CCDC141: variants seen among roughly 807,000 people sequenced by gnomAD.
The protein encoded by CCDC141 is coiled-coil domain containing 141.
Under a neutral mutation model 181.0 loss-of-function variants are expected in CCDC141, and 168 were observed. The ratio of observed to expected loss-of-function variants is 0.93; its 90% CI spans 0.82 to 1.05. The LOEUF (loss-of-function observed/expected upper bound fraction) is 1.05. Among genes scored for constraint, CCDC141 ranks in the 50% least tolerant of loss-of-function variants. CCDC141 has a pLI of 0.00. For synonymous variants in CCDC141, 666 were observed against 642.3 expected (o/e 1.04, Z -0.56); for missense variants, 1,902 against 1,788.5 (o/e 1.06, Z -1.14).
chr2:178,918,260 T>C (rs547332069), intron 7 of CCDC141, among the ~76,000 whole-genome samples: 2 of 149,256 alleles, frequency 1.3e-5, no homozygotes, highest in East Asian at 3.9e-4. Context: ...AAAAAAAAAG[T>C]AGTCAAGCAT....
intron 11 of CCDC141, among the ~76,000 whole-genome samples, chr2:178,881,605 G>C (rs756333337): frequency 3.3e-5 from 5 of 152,044 alleles, no homozygotes; most frequent in African/African-American, 4.8e-5. Context: ...GGTTGAAACA[G>C]GAATAAAGCG....
At chr2:178,886,918 A>C in intron 9 of CCDC141, 47 bp from the exon 10 acceptor site, 1 of 1,213,500 alleles carries the variant, frequency 8.2e-7, no homozygotes, top group Non-Finnish European at 1.1e-6. Flanking sequence ...ATATTTTTGC[A>C]TATATGTACG....
intron 20 of CCDC141, among the ~76,000 whole-genome samples, chr2:178,851,863 T>C (rs1333025381): frequency 6.6e-6 from 1 of 152,192 alleles, no homozygotes; most frequent in Non-Finnish European, 1.5e-5. Flanking sequence ...ACAAATTTGT[T>C]TGAGATAATT....
Position 178,834,081 on chromosome 2 carries a change from TG to T in CCDC141, c.*91del. ...GTGATCAGACTGGAGATACACTTGG[TG>T]GGAGATGCTTTGCAGGAGGTGCAGG... On this transcript the variant is annotated 3_prime_UTR_variant, in exon 24 of 24. Coordinates refer to ENST00000443758, the MANE Select transcript of CCDC141 (RefSeq NM_173648.4). 1 of 1,264,668 alleles carries T rather than the reference TG, an allele frequency of 7.9e-7. No homozygotes were observed. Among genetic ancestry groups the T allele is most frequent in the Non-Finnish European group, 1.1e-6 (1 of 916,238 alleles). The allele number at this position is 1,264,668 out of a possible 1,614,324, so 78.3% of individuals were successfully genotyped here.
chr2:178,993,341 C>T (rs1692142852), intron 2 of CCDC141, among the ~76,000 whole-genome samples: 1 of 152,168 alleles, frequency 6.6e-6, no homozygotes, highest in South Asian at 2.1e-4. Context: ...GGGGAAGCCT[C>T]ACAATCATAG....
intron 13 of CCDC141, 102 bp from the exon 14 acceptor site, chr2:178,871,654 C>G: frequency 7.6e-7 from 1 of 1,307,896 alleles, no homozygotes. Flanking sequence ...TTTTTCAAAC[C>G]CCATGAAAAC....
intron 8 of CCDC141, among the ~76,000 whole-genome samples, chr2:178,900,935 C>T (rs1687657103): frequency 1.3e-5 from 2 of 152,196 alleles, no homozygotes; most frequent in South Asian, 4.2e-4. Context: ...TGAGATGAGC[C>T]TTATGATTGC....
intron 4 of CCDC141, among the ~76,000 whole-genome samples, chr2:178,972,574 G>A (rs983715562): frequency 2.0e-5 from 3 of 152,170 alleles, no homozygotes; most frequent in African/African-American, 7.2e-5. Context: ...CTGACACATG[G>A]CCCTGGATTT....
intron 23 of CCDC141, 64 bp downstream of exon 23, chr2:178,836,830 A>T: frequency 6.5e-7 from 1 of 1,539,280 alleles, no homozygotes. Flanking sequence ...TAGTGCTCAC[A>T]GAATGATTTT....
At chr2:178,917,372 T>C (rs889476422) in intron 7 of CCDC141, among the ~76,000 whole-genome samples, 4 of 152,230 alleles carry the variant, frequency 2.6e-5, no homozygotes, top group Non-Finnish European at 4.4e-5. Context: ...TAAATCTTTC[T>C]TTAACATTTT....
chr2:178,873,737 A>G (rs1686225183), intron 12 of CCDC141: 1 of 152,216 alleles, frequency 6.6e-6, no homozygotes, highest in Non-Finnish European at 1.5e-5. Flanking sequence ...TAGTAAACAC[A>G]GTACTCATTT....
intron 2 of CCDC141, among the ~76,000 whole-genome samples, chr2:179,018,880 CA>C (rs1434714773): frequency 6.6e-6 from 1 of 152,046 alleles, no homozygotes; most frequent in African/African-American, 2.4e-5. Context: ...AAAAAAAGTA[CA>C]AATCAATGTT....
rs55791403 is a variant in CCDC141, at chr2:178,881,915, T to TCACACA, written c.1719+2980_1719+2985dup. On this transcript the variant is annotated intron_variant, in intron 11 of 23. Transcript: ENST00000443758. ...GTCTCTCTCTCTCTCTCTCTCTCTCTCACACACACACACACACACACACAC... is the reference window on the plus strand; with the variant it reads ...GTCTCTCTCTCTCTCTCTCTCTCTCTCACACACACACACACACACACACACACACAC... Among the ~76,000 whole-genome samples, 73 of 92,350 alleles carry TCACACA rather than the reference T, an allele frequency of 7.9e-4. 1 individual carries two copies. The highest frequency in any genetic ancestry group is 1.3e-3 in the Non-Finnish European group (55 of 43,180). The allele number at this position is 92,350 out of a possible 152,430, so 60.6% of individuals were successfully genotyped here.
the CCDC141 span, chr2:178,817,723 G>A: frequency 9.5e-6 from 3 of 317,088 alleles, no homozygotes; most frequent in Admixed American, 1.2e-4. Flanking sequence ...ATACACATGT[G>A]TAATATTTTC....
Position 179,049,907 on chromosome 2 carries a change from G to C in CCDC141, c.35C>G (p.Ser12Cys). The change falls in exon 1 of 24, where the codon TCT becomes TGT. Residue 12 changes from serine to cysteine, a missense_variant. Ser to Cys is a moderately radical substitution (Grantham distance 112, BLOSUM62 -1). Transcript: ENST00000443758. ...SSQGSPSVALSTTTVSSVAVQ... is the reference protein window; with the variant it reads ...SSQGSPSVALCTTTVSSVAVQ... ...AGCAACTGAACTGACTGTCGTCGTA[G>C]AAAGCGCAACACTAGGACTTCCTTG... The C allele has an allele frequency of 1.3e-6, 2 of 1,550,728 alleles. No individual in the cohort carries two copies. Among genetic ancestry groups the C allele is most frequent in the Non-Finnish European group, 1.7e-6 (2 of 1,146,974 alleles).
At chr2:178,918,671 C>T (rs1225715339) in intron 7 of CCDC141, 42 bp downstream of exon 7, 8 of 1,504,690 alleles carry the variant, frequency 5.3e-6, no homozygotes, top group South Asian at 3.8e-5. Context: ...TTTTACTGGT[C>T]TGCCTGATTA....
At chr2:179,013,222 G>A (rs915670195) in intron 2 of CCDC141, among the ~76,000 whole-genome samples, 1 of 152,016 alleles carries the variant, frequency 6.6e-6, no homozygotes, top group Non-Finnish European at 1.5e-5. Context: ...AAATCCTAGG[G>A]ACTCCTCCAG....
In CCDC141 at chr2:178,944,662, G is replaced by A. The variant is rs1453761813; in HGVS notation, c.781-11C>T. Reference sequence around the variant, plus strand: ...AAACCAACAAGTAACCTAGGTAAAAGGCAACAAAGAAAGATCAAAATTCAA... The same window carrying A: ...AAACCAACAAGTAACCTAGGTAAAAAGCAACAAAGAAAGATCAAAATTCAA... On this transcript the variant is annotated splice_polypyrimidine_tract_variant and intron_variant, in intron 5 of 23. Coordinates refer to ENST00000443758, the MANE Select transcript of CCDC141 (RefSeq NM_173648.4). 1.6e-6 allele frequency: 2 copies of A among 1,262,048 alleles called. No homozygotes were observed. Among genetic ancestry groups the A allele is most frequent in the African/African-American group, 1.5e-5 (1 of 65,934 alleles). 78.2% of individuals were successfully genotyped at this position (1,262,048 alleles called of 1,614,324 possible). A position where few individuals can be genotyped will look rare whatever the true frequency, so the allele number is the denominator to read the frequency against.
intron 6 of CCDC141, among the ~76,000 whole-genome samples, chr2:178,924,265 C>A (rs1444133001): frequency 6.6e-6 from 1 of 152,200 alleles, no homozygotes; most frequent in East Asian, 1.9e-4. Context: ...CTGGGAGAAG[C>A]ATGTGTTGAG....
Sources: gnomAD v4.1 joint callset for allele counts (sites outside exome capture counted in the v4.1 genomes callset) on GRCh38, gnomAD v4.1.1 for gene constraint, MANE v1.5 for transcripts, NCBI Gene and HGNC (gene_info 2026-07-23, HGNC 2026-07-21) for gene names.